The following SI variants were observed in gnomAD, a reference collection of about 807,000 sequenced individuals.
The protein encoded by SI is sucrase-isomaltase, also known as sucrase-isomaltase, intestinal.
In SI, 235 loss-of-function variants were observed where a neutral mutation model predicts 253.3. The ratio of observed to expected loss-of-function variants is 0.93; its 90% confidence interval spans 0.83 to 1.03. The LOEUF is 1.03. Among genes scored for constraint, SI ranks in the 50% least tolerant of loss-of-function variants. SI has a pLI of 0.00. For synonymous variants in SI, 819 were observed against 712.0 expected (o/e 1.15, Z -2.39); for missense variants, 2,442 against 2,211.1 (o/e 1.10, Z -2.09).
intron 17 of SI, among the ~76,000 whole-genome samples, chr3:165,042,423 A>G (rs1182165560): frequency 6.6e-6 from 1 of 152,044 alleles, no homozygotes; most frequent in Non-Finnish European, 1.5e-5. Flanking sequence ...GTTTAACTGA[A>G]TTTTACTATT....
chr3:165,042,075 C>T (rs542849536), intron 17 of SI, among the ~76,000 whole-genome samples: 12 of 152,148 alleles, frequency 7.9e-5, no homozygotes, highest in African/African-American at 2.9e-4. Context: ...CTCATTTTCT[C>T]ATGCCCACTC....
At chr3:164,982,600 T>A (rs950569355) in intron 46 of SI, among the ~76,000 whole-genome samples, 190 bp from the exon 47 acceptor site, 17 of 152,236 alleles carry the variant, frequency 1.1e-4, no homozygotes, top group African/African-American at 3.8e-4. Flanking sequence ...TTCCTATGTA[T>A]CTATTTATTG....
chr3:164,998,709 T>G (rs775428329), intron 37 of SI, 36 bp from the exon 38 acceptor site: 1 of 1,571,002 alleles, frequency 6.4e-7, no homozygotes, highest in Admixed American at 1.7e-5. Flanking sequence ...AGTTTTTACA[T>G]GAGATATTTT....
At chr3:165,035,034 C>T (rs561966874) in intron 22 of SI, among the ~76,000 whole-genome samples, 21 of 151,840 alleles carry the variant, frequency 1.4e-4, no homozygotes, top group African/African-American at 4.8e-4. Flanking sequence ...AGATAATAGC[C>T]CATTCCAAGG....
chr3:165,047,288 C>T (rs941578255), intron 15 of SI, among the ~76,000 whole-genome samples: 2 of 151,824 alleles, frequency 1.3e-5, no homozygotes, highest in African/African-American at 4.8e-5. Context: ...TAGGAGTTTC[C>T]CTGAACAAGC....
At chr3:165,064,818 A>T (rs1714157579) in intron 7 of SI, among the ~76,000 whole-genome samples, 1 of 152,098 alleles carries the variant, frequency 6.6e-6, no homozygotes, top group Admixed American at 6.6e-5. Context: ...CAAAGATTTG[A>T]AGTTACGGAA....
At chr3:165,068,958 T>TAAGG in intron 4 of SI, 120 bp downstream of exon 4, 3 of 1,020,060 alleles carry the variant, frequency 2.9e-6, no homozygotes, top group Admixed American at 1.9e-5. Context: ...CATGCAAAAA[T>TAAGG]AAGGAATTTG....
At chr3:165,083,191 A>G (rs562951379), upstream of SI, among the ~76,000 whole-genome samples, 107 of 152,032 alleles carry the variant, frequency 7.0e-4, 1 homozygote, top group Middle Eastern at 0.017. Context: ...TAGTGATAGA[A>G]CCACCTAAAT....
At position 165,032,641 on chromosome 3, in the gene SI, A is replaced by C; in HGVS notation, c.2617T>G (p.Leu873Val). The C allele has an allele frequency of 6.2e-7, 1 of 1,608,234 alleles. No individual in the cohort carries two copies. ...AGGATTTTTACAGTCTGAAATGCTA[A>C]GGTAGTTCCTTCCTGATATGATGAA... ...THSSYQEGTT[L>V]AFQTVKILGL... Residue 873 changes from leucine (L) to valine (V), a missense_variant, in exon 24 of 48, where the codon TTA (leucine) becomes GTA (valine). Leu to Val is a conservative substitution (Grantham distance 32). Transcript: ENST00000264382.
intron 26 of SI, among the ~76,000 whole-genome samples, chr3:165,022,028 G>A (rs1711649707): frequency 6.6e-6 from 1 of 151,360 alleles, no homozygotes; most frequent in Non-Finnish European, 1.5e-5. Context: ...CAACATTTAT[G>A]TTCCACTGTA....
chr3:164,981,288 C>T (rs1466576339), intron 47 of SI, among the ~76,000 whole-genome samples: 1 of 151,914 alleles, frequency 6.6e-6, no homozygotes, highest in Non-Finnish European at 1.5e-5. Context: ...CCCCACTTGT[C>T]AACAAAACAG....
intron 36 of SI, 108 bp downstream of exon 36, chr3:165,007,790 CATATATATTCTAT>C (rs1331512455): frequency 1.3e-5 from 4 of 296,322 alleles, no homozygotes; most frequent in East Asian, 1.6e-4. Context: ...TTTATATATA[CATATATATTCTAT>C]ATATATATTC....
intron 3 of SI, chr3:165,074,321 T>C (rs1440112695): frequency 3.5e-6 from 1 of 286,352 alleles, no homozygotes; most frequent in Non-Finnish European, 6.4e-6. Flanking sequence ...GAATATTAAC[T>C]TGTTAATTTA....
chr3:165,065,221 T>A, intron 7 of SI, 40 bp downstream of exon 7: 1 of 1,265,218 alleles, frequency 7.9e-7, no homozygotes, highest in Non-Finnish European at 1.2e-6. Context: ...TCTGCTGCAA[T>A]ATAGTGATTT....
intron 7 of SI, among the ~76,000 whole-genome samples, chr3:165,064,001 C>T (rs916648586): frequency 5.3e-5 from 8 of 151,118 alleles, no homozygotes; most frequent in Non-Finnish European, 7.4e-5. Context: ...ACCCAAGAGG[C>T]GGAGGTCGCA....
At chr3:164,995,422 G>T (rs868008893) in intron 40 of SI, among the ~76,000 whole-genome samples, 3 of 151,746 alleles carry the variant, frequency 2.0e-5, no homozygotes, top group Non-Finnish European at 4.4e-5. Context: ...TTAACATGTT[G>T]ATACACAAGC....
intron 36 of SI, among the ~76,000 whole-genome samples, chr3:165,007,692 G>A (rs1718577809): frequency 6.6e-6 from 1 of 151,142 alleles, no homozygotes; most frequent in South Asian, 2.1e-4. Flanking sequence ...TTGGTAATGG[G>A]TCAAGGTGTG....
intron 2 of SI, among the ~76,000 whole-genome samples, chr3:165,075,098 A>T (rs968385999): frequency 6.6e-6 from 1 of 152,038 alleles, no homozygotes; most frequent in African/African-American, 2.4e-5. Flanking sequence ...TATCCCTTGC[A>T]AGGGAATAAT....
chr3:165,084,966 T>A, the SI span, among the ~76,000 whole-genome samples: 1 of 152,122 alleles, frequency 6.6e-6, no homozygotes, highest in South Asian at 2.1e-4. Flanking sequence ...TAATTAAATA[T>A]TTGACAGAAA....
Sources: gnomAD v4.1 joint callset for allele counts (sites outside exome capture counted in the v4.1 genomes callset) on GRCh38, gnomAD v4.1.1 for gene constraint, MANE v1.5 for transcripts, NCBI Gene and HGNC (gene_info 2026-07-23, HGNC 2026-07-21) for gene names.